Variants in MARCHF3 observed in about 807,000 individuals in gnomAD.
MARCHF3 encodes E3 ubiquitin-protein ligase MARCHF3.
In MARCHF3, 13 loss-of-function variants were observed where a neutral mutation model predicts 24.2. That is an observed-to-expected ratio of 0.54 (90% CI 0.35 to 0.85). The LOEUF (loss-of-function observed/expected upper bound fraction) is 0.85, where lower values mean the gene tolerates loss of function less well. Ranked by LOEUF, MARCHF3 falls within the 40% of genes least tolerant of loss-of-function variation. The pLI is 0.01. For synonymous variants in MARCHF3, 144 were observed against 137.3 expected (o/e 1.05, Z -0.34); for missense variants, 276 against 325.0 (o/e 0.85, Z 1.16).
intron 1 of MARCHF3, among the ~76,000 whole-genome samples, chr5:127,023,673 G>A (rs2126865456): frequency 6.6e-6 from 1 of 151,882 alleles, no homozygotes; most frequent in South Asian, 2.1e-4. Flanking sequence ...GGAGGTTGCA[G>A]TGAGCTGAGA....
chr5:126,939,178 A>G (rs764200424), intron 1 of MARCHF3, among the ~76,000 whole-genome samples: 1 of 152,206 alleles, frequency 6.6e-6, no homozygotes, highest in Non-Finnish European at 1.5e-5. Context: ...AGGTGAACTC[A>G]ACTTAAATGC....
At chr5:126,941,198 A>T (rs1749814431) in intron 1 of MARCHF3, among the ~76,000 whole-genome samples, 2 of 152,194 alleles carry the variant, frequency 1.3e-5, no homozygotes, top group Admixed American at 6.5e-5. Flanking sequence ...TTCTGGTTCA[A>T]AGAAGGTATG....
intron 1 of MARCHF3, among the ~76,000 whole-genome samples, chr5:127,020,927 C>G (rs185452675): frequency 3.9e-5 from 6 of 152,024 alleles, no homozygotes; most frequent in Admixed American, 6.6e-5. Flanking sequence ...CTAGCCCTTT[C>G]TGCCACGTGA....
chr5:126,902,122 C>T (rs1286397332), intron 3 of MARCHF3, among the ~76,000 whole-genome samples: 3 of 152,068 alleles, frequency 2.0e-5, no homozygotes, highest in Admixed American at 6.6e-5. Flanking sequence ...TATTCTTGGT[C>T]CACATGTGCT....
chr5:126,975,051 G>A (rs561313382), intron 1 of MARCHF3, among the ~76,000 whole-genome samples: 53 of 152,304 alleles, frequency 3.5e-4, no homozygotes, highest in African/African-American at 1.1e-3. Context: ...CCGCCTCCCA[G>A]GTTCAAGTGA....
intron 1 of MARCHF3, among the ~76,000 whole-genome samples, chr5:127,023,977 G>A (rs72782313): frequency 6.6e-6 from 1 of 152,128 alleles, no homozygotes; most frequent in Non-Finnish European, 1.5e-5. Context: ...ACATTACAGT[G>A]AAGCTGTCCC....
chr5:126,916,692 G>GACACACACACAC (rs34090036), intron 2 of MARCHF3, among the ~76,000 whole-genome samples: 10,572 of 130,318 alleles, frequency 0.081, 607 homozygotes, highest in African/African-American at 0.14. Context: ...CAGACAGACA[G>GACACACACACAC]ACACACACAC....
At position 126,892,462 on chromosome 5, in the gene MARCHF3, C is replaced by A. The variant is rs796913331; in HGVS notation, c.394-14068G>T. ...GCTCTTATTATTTTGAGATACGTCC[C>A]ATCAATACCTAATTTATTGAGAGTT... On this transcript the variant is annotated intron_variant, in intron 3 of 4. Transcript: ENST00000308660. Among the ~76,000 whole-genome samples, 1,251 of 145,448 alleles carry A rather than the reference C, an allele frequency of 8.6e-3. 8 individuals carry two copies. The highest frequency in any genetic ancestry group is 0.05 in the Middle Eastern group (14 of 278).
intron 1 of MARCHF3, among the ~76,000 whole-genome samples, chr5:126,980,891 A>AC (rs1186017786): frequency 1.3e-5 from 2 of 152,228 alleles, no homozygotes; most frequent in Non-Finnish European, 2.9e-5. Context: ...GAAGTGGTGG[A>AC]CAGAGATGTT....
intron 1 of MARCHF3, among the ~76,000 whole-genome samples, chr5:127,009,938 A>G (rs780881483): frequency 6.6e-6 from 1 of 152,240 alleles, no homozygotes; most frequent in Non-Finnish European, 1.5e-5. Context: ...AGAAGGAATA[A>G]TAAACAGACT....
chr5:126,955,267 G>T (rs1750401609), intron 1 of MARCHF3, among the ~76,000 whole-genome samples: 2 of 152,188 alleles, frequency 1.3e-5, no homozygotes, highest in South Asian at 4.1e-4. Flanking sequence ...TCCATTAAGA[G>T]ACATTAGGTC....
chr5:126,886,689 A>T (rs1359896752), intron 3 of MARCHF3, among the ~76,000 whole-genome samples: 1 of 152,122 alleles, frequency 6.6e-6, no homozygotes, highest in Non-Finnish European at 1.5e-5. Context: ...CTTACTTGAT[A>T]TGTCTCCATT....
intron 1 of MARCHF3, among the ~76,000 whole-genome samples, chr5:126,920,308 C>A (rs1749065484): frequency 6.6e-6 from 1 of 152,116 alleles, no homozygotes; most frequent in Non-Finnish European, 1.5e-5. Flanking sequence ...AAAAGACCGT[C>A]CTCTTCTAAA....
intron 1 of MARCHF3, among the ~76,000 whole-genome samples, chr5:126,984,871 A>G (rs1413735586): frequency 6.6e-6 from 1 of 152,236 alleles, no homozygotes; most frequent in Non-Finnish European, 1.5e-5. Flanking sequence ...ACTGGTCTGA[A>G]TAATACATAA....
chr5:126,883,485 T>C (rs985120928), intron 3 of MARCHF3, among the ~76,000 whole-genome samples: 4 of 152,096 alleles, frequency 2.6e-5, no homozygotes, highest in African/African-American at 9.7e-5. Context: ...GTACAATAAA[T>C]AAACAAACTA....
Position 126,878,115 on chromosome 5 carries a change from G to A in MARCHF3, c.603+70C>T, listed in dbSNP as rs1753226711. ...AGGTGAGATGTGTTACAGACAAGAG[G>A]AAAGGCTTGTGCCAGCTGTGAGGCT... On this transcript the variant is annotated intron_variant, in intron 4 of 4. Coordinates refer to ENST00000308660, the MANE Select transcript of MARCHF3 (RefSeq NM_178450.5). 3.4e-6 allele frequency: 5 copies of A among 1,486,156 alleles called. No homozygotes were observed. The East Asian group carries it at 1.1e-4, about 34-fold the overall frequency. The allele number at this position is 1,486,156 out of a possible 1,614,324, so 92.1% of individuals were successfully genotyped here.
chr5:126,874,404 T>C (rs1004364653), intron 4 of MARCHF3, among the ~76,000 whole-genome samples: 4 of 152,048 alleles, frequency 2.6e-5, no homozygotes, highest in African/African-American at 9.7e-5. Context: ...CTGACCAACA[T>C]GGAGAAACCC....
At chr5:126,880,133 G>C (rs1753296345) in intron 3 of MARCHF3, among the ~76,000 whole-genome samples, 1 of 152,134 alleles carries the variant, frequency 6.6e-6, no homozygotes, top group Non-Finnish European at 1.5e-5. Context: ...GTTGAGGAAA[G>C]AGCAGTGTAA....
In MARCHF3 at chr5:126,915,098, G is replaced by A. The variant is rs140296174; in HGVS notation, c.225C>T (p.His75=). The A allele has an allele frequency of 5.1e-4, 831 of 1,614,124 alleles. 14 individuals are homozygous for A. The South Asian group carries it at 7.9e-3, about 15-fold the overall frequency. The change falls in exon 3 of 5, where the codon CAC becomes CAT. Residue 75 remains histidine, a synonymous_variant. Coordinates refer to ENST00000308660, the MANE Select transcript of MARCHF3 (RefSeq NM_178450.5). ...FNDRPMCRIC[H]EGSSQEDLLS... ...GCAAGTCCTCTTGGCTGCTGCCCTC[G>A]TGGCAGATCCTGCACATCGGCCGGT...
Sources: gnomAD v4.1 joint callset for allele counts (sites outside exome capture counted in the v4.1 genomes callset) on GRCh38, gnomAD v4.1.1 for gene constraint, MANE v1.5 for transcripts, NCBI Gene and HGNC (gene_info 2026-07-23, HGNC 2026-07-21) for gene names.